Variants in SYNDIG1L observed in about 807,000 individuals in gnomAD.
The protein encoded by SYNDIG1L is synapse differentiation inducing 1 like.
SYNDIG1L carries 13 observed loss-of-function variants against 20.1 expected under a neutral mutation model. The ratio of observed to expected loss-of-function variants is 0.65; its 90% CI spans 0.42 to 1.03. The LOEUF is 1.03. Among genes scored for constraint, SYNDIG1L ranks in the 50% least tolerant of loss-of-function variants. SYNDIG1L has a pLI of 0.00. For missense variants in SYNDIG1L, 294 were observed against 305.1 expected (o/e 0.96, Z 0.27); for synonymous variants, 128 against 129.3 (o/e 0.99, Z 0.07).
intron 1 of SYNDIG1L, among the ~76,000 whole-genome samples, chr14:74,412,531 C>T (rs1360916384): frequency 6.6e-6 from 1 of 152,182 alleles, no homozygotes; most frequent in Non-Finnish European, 1.5e-5. Context: ...GATCCTATGC[C>T]CCCAAGGAAC....
chr14:74,449,438 C>CAAAAAAAA, the SYNDIG1L span, among the ~76,000 whole-genome samples: 137 of 34,016 alleles, frequency 4.0e-3, 40 homozygotes, highest in Non-Finnish European at 5.3e-3. Flanking sequence ...CCTGTCTTTA[C>CAAAAAAAA]AAAAAAAAAA....
intron 1 of SYNDIG1L, among the ~76,000 whole-genome samples, chr14:74,425,175 C>G (rs943456230): frequency 6.6e-6 from 1 of 151,904 alleles, no homozygotes; most frequent in Non-Finnish European, 1.5e-5. Context: ...GCTCATTCAG[C>G]GCACTCTTGC....
chr14:74,430,040 T>C (rs2086291747), upstream of SYNDIG1L, among the ~76,000 whole-genome samples: 1 of 152,084 alleles, frequency 6.6e-6, no homozygotes, highest in African/African-American at 2.4e-5. Context: ...GGAAAGAAGA[T>C]GAGGAGAGTT....
At chr14:74,436,059 G>C in the SYNDIG1L span, among the ~76,000 whole-genome samples, 1 of 152,106 alleles carries the variant, frequency 6.6e-6, no homozygotes, top group Non-Finnish European at 1.5e-5. Context: ...GTAGGTTCTG[G>C]GGATACAAAG....
At chr14:74,464,890 C>T in the SYNDIG1L span, among the ~76,000 whole-genome samples, 6 of 152,174 alleles carry the variant, frequency 3.9e-5, no homozygotes, top group African/African-American at 1.2e-4. Context: ...ATTATTCTTA[C>T]CCAGAATGCC....
At chr14:74,414,531 G>A (rs964524806) in intron 1 of SYNDIG1L, among the ~76,000 whole-genome samples, 8 of 152,294 alleles carry the variant, frequency 5.3e-5, no homozygotes, top group South Asian at 4.1e-4. Flanking sequence ...TCAGGAATCC[G>A]CTGGAGTCAA....
Position 74,407,460 on chromosome 14 carries a change from C to A in SYNDIG1L, c.*75G>T. 6.3e-7 allele frequency: 1 copy of A among 1,594,846 alleles called. No homozygotes were observed. ...ATCATCTTCAGGGGCCGGGCCTTTC[C>A]ATAGGGTCTGCAACTCCAAGCCCCA... On this transcript the variant is annotated 3_prime_UTR_variant, in exon 4 of 4. Transcript: ENST00000331628.
the SYNDIG1L span, among the ~76,000 whole-genome samples, chr14:74,471,383 G>GC: frequency 1.3e-5 from 2 of 152,088 alleles, no homozygotes; most frequent in African/African-American, 4.8e-5. Context: ...GATCACTTGA[G>GC]CCCAGGAGTT....
the SYNDIG1L span, among the ~76,000 whole-genome samples, chr14:74,433,509 A>G: frequency 6.6e-6 from 1 of 151,798 alleles, no homozygotes; most frequent in Non-Finnish European, 1.5e-5. Context: ...TCAGCCTCTC[A>G]AGTAGCTGAG....
At chr14:74,440,513 T>TAAAAAA in the SYNDIG1L span, among the ~76,000 whole-genome samples, 1 of 75,394 alleles carries the variant, frequency 1.3e-5, no homozygotes, top group African/African-American at 1.3e-4. Context: ...AGACTCCGTC[T>TAAAAAA]CATAAAAAAA....
At chr14:74,431,058 C>G (rs751972047), upstream of SYNDIG1L, among the ~76,000 whole-genome samples, 17 of 152,130 alleles carry the variant, frequency 1.1e-4, no homozygotes, top group Non-Finnish European at 2.4e-4. Context: ...GAAGCCAGAG[C>G]CAGTGTGATG....
the SYNDIG1L span, among the ~76,000 whole-genome samples, chr14:74,434,608 G>A: frequency 3.1e-3 from 470 of 152,148 alleles, 1 homozygote; most frequent in Non-Finnish European, 4.0e-3. Flanking sequence ...TCAGGAAACT[G>A]GGAGGGGAAA....
At chr14:74,462,561 A>G in the SYNDIG1L span, among the ~76,000 whole-genome samples, 1 of 150,890 alleles carries the variant, frequency 6.6e-6, no homozygotes, top group Non-Finnish European at 1.5e-5. Context: ...GCTGGAGTGC[A>G]ATGGTATGAT....
rs1423363856 is a variant in SYNDIG1L, at chr14:74,409,456, G to A, written c.289C>T (p.Pro97Ser). Residue 97 changes from proline to serine, a missense_variant, in exon 2 of 4, where the codon CCC becomes TCC. Pro to Ser is a moderately conservative substitution (Grantham distance 74). Transcript: ENST00000331628. ...CETSFTEDRE[P>S]QEGPPEQPTG... ...GGCTGCTCTGGAGGCCCCTCCTGGG[G>A]CTCCCTGTCCTCTGTGAAGCTTGTC... The A allele has an allele frequency of 3.1e-6, 5 of 1,613,690 alleles. No homozygotes were observed. The highest frequency in any genetic ancestry group is 4.5e-5 in the East Asian group (2 of 44,848).
At chr14:74,475,667 GA>G in the SYNDIG1L span, among the ~76,000 whole-genome samples, 2 of 150,854 alleles carry the variant, frequency 1.3e-5, no homozygotes, top group African/African-American at 2.4e-5. Flanking sequence ...AAGATTAGGA[GA>G]AAAAAAAATC....
upstream of SYNDIG1L, among the ~76,000 whole-genome samples, chr14:74,427,118 C>CTTTTTT (rs34437070): frequency 7.7e-5 from 9 of 116,780 alleles, no homozygotes; most frequent in African/African-American, 1.7e-4. Context: ...CCTGCGTTTC[C>CTTTTTT]TTTTTTTTTT....
chr14:74,427,118 CTTTTTTT>C (rs34437070), upstream of SYNDIG1L, among the ~76,000 whole-genome samples: 8 of 116,808 alleles, frequency 6.8e-5, no homozygotes, highest in Non-Finnish European at 1.0e-4. Context: ...CCTGCGTTTC[CTTTTTTT>C]TTTTTTTTTT....
chr14:74,455,122 T>TCCA, the SYNDIG1L span, among the ~76,000 whole-genome samples: 1 of 152,242 alleles, frequency 6.6e-6, no homozygotes, highest in Non-Finnish European at 1.5e-5. Context: ...CCTGAGAGTT[T>TCCA]CCAGCCTGCA....
At chr14:74,432,180 T>TGTGTGTGTGAGAGA in the SYNDIG1L span, among the ~76,000 whole-genome samples, 22 of 124,146 alleles carry the variant, frequency 1.8e-4, no homozygotes, top group Admixed American at 1.4e-3. Flanking sequence ...TGTGTGTGTG[T>TGTGTGTGTGAGAGA]GAGAGAGAGA....
Sources: gnomAD v4.1 joint callset for allele counts (sites outside exome capture counted in the v4.1 genomes callset) on GRCh38, gnomAD v4.1.1 for gene constraint, MANE v1.5 for transcripts, NCBI Gene and HGNC (gene_info 2026-07-23, HGNC 2026-07-21) for gene names.